Variants in E2F2 observed in about 807,000 individuals in gnomAD.
E2F2 encodes E2F transcription factor 2.
Under a neutral mutation model 42.2 loss-of-function variants are expected in E2F2, and 22 were observed. That is an observed-to-expected ratio of 0.52 (90% CI 0.37 to 0.74). The LOEUF (loss-of-function observed/expected upper bound fraction) is 0.74. E2F2 is among the 30% of genes least tolerant of loss of function. E2F2 has a pLI of 0.00. For missense variants in E2F2, 481 were observed against 557.8 expected (o/e 0.86, Z 1.39); for synonymous variants, 248 against 251.6 (o/e 0.99, Z 0.13).
intron 1 of E2F2, among the ~76,000 whole-genome samples, chr1:23,528,897 C>A (rs1446280485): frequency 5.3e-5 from 8 of 152,162 alleles, no homozygotes; most frequent in African/African-American, 1.9e-4. Context: ...AAAGTCAAGG[C>A]TACATAGAGA....
rs1335221177 is a variant in E2F2, at chr1:23,521,828, G to A, written c.578+9C>T. On this transcript the variant is annotated intron_variant, in intron 3 of 6. Coordinates refer to ENST00000361729, the MANE Select transcript of E2F2 (RefSeq NM_004091.4). ...ATTGGAGGGTACCACTGGCCGCCCAGGCACTCACACCCACTGGATGTTGTT... is the reference window on the plus strand; with the variant it reads ...ATTGGAGGGTACCACTGGCCGCCCAAGCACTCACACCCACTGGATGTTGTT... 3.1e-6 allele frequency: 5 copies of A among 1,613,546 alleles called. No individual in the cohort carries two copies. The highest frequency in any genetic ancestry group is 4.2e-6 in the Non-Finnish European group (5 of 1,179,958).
rs541912941 is a variant in E2F2, at chr1:23,516,804, G to C, written c.853-277C>G. Among the ~76,000 whole-genome samples the C allele has an allele frequency of 8.6e-5, 12 of 139,636 alleles. 2 individuals carry two copies. Among genetic ancestry groups the C allele is most frequent in the Admixed American group, 2.8e-4 (4 of 14,166 alleles). The allele number at this position is 139,636 out of a possible 152,430, so 91.6% of individuals were successfully genotyped here. On this transcript the variant is annotated intron_variant, in intron 5 of 6. Transcript: ENST00000361729. The stretch of plus-strand genomic sequence containing the variant: ...AGGTCATCTAGTTTTGGGGCGGGGG[G>C]GGGGGGGCAGCACCCTTCCCCAATG...
intron 1 of E2F2, among the ~76,000 whole-genome samples, chr1:23,527,690 T>A (rs563276216): frequency 6.6e-6 from 1 of 152,344 alleles, no homozygotes; most frequent in East Asian, 1.9e-4. Context: ...TGCTTTCAGA[T>A]CCCAGCTCTG....
intron 5 of E2F2, among the ~76,000 whole-genome samples, chr1:23,516,771 C>T (rs576756606): frequency 6.8e-6 from 1 of 146,132 alleles, no homozygotes; most frequent in Non-Finnish European, 1.5e-5. Context: ...ACTCTTCCCC[C>T]CACTCTCAGG....
chr1:23,524,784 C>T (rs767589369), intron 1 of E2F2, among the ~76,000 whole-genome samples: 3 of 152,208 alleles, frequency 2.0e-5, no homozygotes, highest in Non-Finnish European at 4.4e-5. Context: ...TCCTTAACCA[C>T]GGGCCCTAAG....
intron 6 of E2F2, among the ~76,000 whole-genome samples, chr1:23,514,818 G>A (rs1042867662): frequency 1.4e-4 from 20 of 146,502 alleles, no homozygotes; most frequent in African/African-American, 4.4e-4. Flanking sequence ...GCCTGGTGAC[G>A]GAGCGAGACT....
chr1:23,511,696 G>A (rs1005943480), intron 6 of E2F2, among the ~76,000 whole-genome samples: 2 of 152,220 alleles, frequency 1.3e-5, no homozygotes, highest in African/African-American at 4.8e-5. Context: ...ATACAACTGC[G>A]CTGGGATGCT....
chr1:23,521,150 G>A, intron 3 of E2F2, 79 bp from the exon 4 acceptor site: 2 of 1,424,684 alleles, frequency 1.4e-6, no homozygotes, highest in Non-Finnish European at 1.9e-6. Flanking sequence ...AGTCTATGAG[G>A]GTGCTTCCCT....
chr1:23,529,964 G>C (rs987588816), intron 1 of E2F2, among the ~76,000 whole-genome samples: 1 of 152,226 alleles, frequency 6.6e-6, no homozygotes. Context: ...CAAGGGGGCT[G>C]CCCACATTTG....
chr1:23,521,749 G>A (rs1643153071), intron 3 of E2F2, 88 bp downstream of exon 3: 3 of 1,561,368 alleles, frequency 1.9e-6, no homozygotes, highest in Non-Finnish European at 2.6e-6. Context: ...CCCCGCCCCT[G>A]CCACTCACAC....
rs1642804833 is a variant in E2F2, at chr1:23,506,798, G to T, written c.*3082C>A. 6.6e-6 allele frequency: 1 copy of T among 152,324 alleles called. No individual in the cohort carries two copies. The highest frequency in any genetic ancestry group is 6.5e-5 in the Admixed American group (1 of 15,280). 9.4% of individuals were successfully genotyped at this position (152,324 alleles called of 1,614,324 possible). ...AGCCACACAACACCTGGATGCTGGG[G>T]CACCCAAACCCTTTCCCTAAAACTC... On this transcript the variant is annotated 3_prime_UTR_variant, in exon 7 of 7. Coordinates refer to ENST00000361729, the MANE Select transcript of E2F2 (RefSeq NM_004091.4).
intron 2 of E2F2, among the ~76,000 whole-genome samples, chr1:23,523,661 C>G (rs1248199836): frequency 6.6e-6 from 1 of 152,180 alleles, no homozygotes; most frequent in Non-Finnish European, 1.5e-5. Flanking sequence ...CCCTGCTCTT[C>G]TGATTTAGAA....
intron 1 of E2F2, among the ~76,000 whole-genome samples, chr1:23,528,562 T>G (rs1218884311): frequency 6.6e-6 from 1 of 152,218 alleles, no homozygotes; most frequent in Non-Finnish European, 1.5e-5. Flanking sequence ...AGTGACTTCC[T>G]TTCTTTGCTC....
chr1:23,510,192 A>G lies in E2F2; in HGVS notation c.1046-44T>C, dbSNP rs1242695143. 2.0e-6 allele frequency: 3 copies of G among 1,495,646 alleles called. No individual in the cohort carries two copies. The Admixed American group carries it at 6.9e-5, about 34-fold the overall frequency. 92.6% of individuals were successfully genotyped at this position (1,495,646 alleles called of 1,614,324 possible). A position where few individuals can be genotyped will look rare whatever the true frequency, so the allele number is the denominator to read the frequency against. ...AGGTTACGCCTGGCCCTAGCATCCA[A>G]CTCCTCAGCACGCGAGGACAGACTT... On this transcript the variant is annotated intron_variant, in intron 6 of 6. Coordinates refer to ENST00000361729, the MANE Select transcript of E2F2 (RefSeq NM_004091.4).
chr1:23,521,940 C>A lies in E2F2; in HGVS notation c.475G>T (p.Ala159Ser), dbSNP rs776691347. 2 of 1,614,196 alleles carry A rather than the reference C, an allele frequency of 1.2e-6. No homozygotes were observed. Among genetic ancestry groups the A allele is most frequent in the Non-Finnish European group, 1.7e-6 (2 of 1,180,042 alleles). ...CGCTTCTGCACGTCCAGCACCTCAGCGGCCCAGTTCAGGTCCAGGACCCCA... is the reference window on the plus strand; with the variant it reads ...CGCTTCTGCACGTCCAGCACCTCAGAGGCCCAGTTCAGGTCCAGGACCCCA... ...EDGVLDLNWA[A>S]EVLDVQKRRI... The change falls in exon 3 of 7, where the codon GCT becomes TCT. Residue 159 changes from alanine to serine, a missense_variant. Coordinates refer to ENST00000361729, the MANE Select transcript of E2F2 (RefSeq NM_004091.4).
chr1:23,516,578 C>G lies in E2F2; in HGVS notation c.853-51G>C, dbSNP rs528924319. On this transcript the variant is annotated intron_variant, in intron 5 of 6. Transcript: ENST00000361729. ...ATTGCTCTGGGCAGCTGGACACTTACACTTAGTGTGTATGGACAGACGCAC... is the reference window on the plus strand; with the variant it reads ...ATTGCTCTGGGCAGCTGGACACTTAGACTTAGTGTGTATGGACAGACGCAC... 13 of 1,453,074 alleles carry G rather than the reference C, an allele frequency of 8.9e-6. No homozygotes were observed. In the East Asian group the frequency reaches 2.6e-4, roughly 29 times the overall value. 90.0% of individuals were successfully genotyped at this position (1,453,074 alleles called of 1,614,324 possible).
chr1:23,524,088 AC>A (rs1472291504), intron 2 of E2F2, among the ~76,000 whole-genome samples: 26 of 108,092 alleles, frequency 2.4e-4, no homozygotes, highest in East Asian at 1.9e-3. Flanking sequence ...AACAACAACA[AC>A]AACAACAACA....
intron 1 of E2F2, among the ~76,000 whole-genome samples, chr1:23,527,090 T>C (rs1193335216): frequency 3.3e-5 from 5 of 152,228 alleles, no homozygotes; most frequent in African/African-American, 1.2e-4. Flanking sequence ...AGCACAGGTC[T>C]TGGAGTCAGA....
rs758683813 is a variant in E2F2 at position 23,530,529 on chromosome 1, C to A, written c.252+13G>T. ...AAAGCATAGGGGGAAGCGGTGGGGGCCCCCAGCATTACCGGCAGCCGGCCT... is the reference window on the plus strand; with the variant it reads ...AAAGCATAGGGGGAAGCGGTGGGGGACCCCAGCATTACCGGCAGCCGGCCT... On this transcript the variant is annotated intron_variant, in intron 1 of 6. Coordinates refer to ENST00000361729, the MANE Select transcript of E2F2 (RefSeq NM_004091.4). This position sits in a 1 kb window ranked among gnomAD's most constrained non-coding sequence, Gnocchi z 4.4. 13 of 1,610,318 alleles carry A rather than the reference C, an allele frequency of 8.1e-6. 1 individual carries two copies. The highest frequency in any genetic ancestry group is 1.7e-5 in the Admixed American group (1 of 59,862).
Sources: allele counts gnomAD v4.1 joint callset (sites outside exome capture counted in the v4.1 genomes callset), GRCh38; gene constraint gnomAD v4.1.1; non-coding constraint Gnocchi (gnomAD v3.1); transcripts MANE v1.5; gene names NCBI Gene and HGNC (gene_info 2026-07-23, HGNC 2026-07-21).